POLN: variants seen among roughly 807,000 people sequenced by gnomAD.
The protein encoded by POLN is DNA polymerase N.
POLN carries 108 observed loss-of-function variants against 113.5 expected under a neutral mutation model. The ratio of observed to expected loss-of-function variants is 0.95; its 90% CI spans 0.81 to 1.12. The LOEUF is 1.12. Among genes scored for constraint, POLN ranks in the 50% most tolerant of loss-of-function variants. The pLI, the probability that POLN is intolerant of heterozygous loss-of-function variation, is 0.00. For missense variants in POLN, 1,097 were observed against 1,077.1 expected, an observed-to-expected ratio of 1.02 and a Z score of -0.26; for synonymous variants, 386 against 391.5, an observed-to-expected ratio of 0.99 and a Z score of 0.17.
At chr4:2,239,018 G>A (rs746608421) in intron 2 of POLN, 3 of 1,536,236 alleles carry the variant, frequency 2.0e-6, no homozygotes, top group Admixed American at 4.4e-5. Flanking sequence ...AGAAATTTTA[G>A]CATCCAAATT....
chr4:2,162,089 G>A (rs570250037), intron 13 of POLN, among the ~76,000 whole-genome samples: 1 of 152,154 alleles, frequency 6.6e-6, no homozygotes, highest in Non-Finnish European at 1.5e-5. Flanking sequence ...CAGGCTGCCC[G>A]AGCCAGCAGC....
chr4:2,170,523 A>G (rs1732833314), intron 13 of POLN, among the ~76,000 whole-genome samples, 156 bp downstream of exon 13: 1 of 152,212 alleles, frequency 6.6e-6, no homozygotes, highest in African/African-American at 2.4e-5. Flanking sequence ...CCATAGCGAG[A>G]AAAGCAACCT....
intron 7 of POLN, among the ~76,000 whole-genome samples, chr4:2,183,050 GAGA>G (rs761404197): frequency 6.6e-6 from 1 of 152,170 alleles, no homozygotes; most frequent in Non-Finnish European, 1.5e-5. Flanking sequence ...ATAAGCACAT[GAGA>G]AGATGTCCAA....
intron 19 of POLN, among the ~76,000 whole-genome samples, chr4:2,112,871 C>T (rs1174317531): frequency 4.6e-5 from 7 of 152,262 alleles, no homozygotes; most frequent in Non-Finnish European, 8.8e-5. Flanking sequence ...TTTGACCCAG[C>T]CATCCCATTA....
At chr4:2,199,541 G>C (rs1733660854) in intron 5 of POLN, among the ~76,000 whole-genome samples, 1 of 152,058 alleles carries the variant, frequency 6.6e-6, no homozygotes, top group African/African-American at 2.4e-5. Context: ...TTCTTTGTGG[G>C]AAATAAAGCA....
At chr4:2,075,394 T>G in intron 24 of POLN, 58 bp downstream of exon 24, 14 of 1,574,422 alleles carry the variant, frequency 8.9e-6, no homozygotes, top group Non-Finnish European at 1.2e-5. Context: ...CCATGGGGCA[T>G]GGAGCCTCCT....
At chr4:2,117,876 T>G (rs1468164360) in intron 19 of POLN, among the ~76,000 whole-genome samples, 3 of 152,228 alleles carry the variant, frequency 2.0e-5, no homozygotes, top group Non-Finnish European at 4.4e-5. Context: ...TTGCTTTCCT[T>G]GGGGAATGAG....
intron 21 of POLN, among the ~76,000 whole-genome samples, chr4:2,083,206 T>G (rs1054282396): frequency 2.0e-5 from 3 of 152,120 alleles, no homozygotes; most frequent in African/African-American, 7.2e-5. Context: ...TACAAGGCTC[T>G]CTCTCTCTAG....
At chr4:2,218,100 A>G (rs2108768516) in intron 3 of POLN, among the ~76,000 whole-genome samples, 1 of 152,240 alleles carries the variant, frequency 6.6e-6, no homozygotes, top group South Asian at 2.1e-4. Context: ...CAGCCTGAGC[A>G]ACACAGTAAG....
intron 16 of POLN, among the ~76,000 whole-genome samples, chr4:2,150,372 T>A (rs959389489): frequency 6.6e-6 from 1 of 152,034 alleles, no homozygotes; most frequent in African/African-American, 2.4e-5. Flanking sequence ...ATAAAAAAGG[T>A]TATTTTATCA....
intron 5 of POLN, among the ~76,000 whole-genome samples, chr4:2,199,094 C>T (rs1358862342): frequency 6.6e-6 from 1 of 152,096 alleles, no homozygotes; most frequent in African/African-American, 2.4e-5. Flanking sequence ...AGCAAGGTTG[C>T]AGGAACCAAG....
At position 2,173,947 on chromosome 4, in the gene POLN, T is replaced by C; in HGVS notation, c.1374+8A>G. On this transcript the variant is annotated splice_region_variant and intron_variant, in intron 11 of 25. Coordinates refer to ENST00000511885, the MANE Select transcript of POLN (RefSeq NM_181808.4). ...GGCCAGTACAAACCATCTGGAATAA[T>C]AACTTACCCCAAGAAGTGCTGACGT... 1 of 1,613,628 alleles carries C rather than the reference T, an allele frequency of 6.2e-7. No homozygotes were observed. Among genetic ancestry groups the C allele is most frequent in the Non-Finnish European group, 8.5e-7 (1 of 1,179,532 alleles).
At chr4:2,221,052 C>A (rs1253521944) in intron 3 of POLN, among the ~76,000 whole-genome samples, 3 of 152,050 alleles carry the variant, frequency 2.0e-5, no homozygotes, top group Non-Finnish European at 2.9e-5. Context: ...TGTTCTCCAG[C>A]AAAGGTGGGG....
intron 16 of POLN, among the ~76,000 whole-genome samples, chr4:2,134,938 C>T (rs773547431): frequency 8.5e-5 from 13 of 152,182 alleles, no homozygotes; most frequent in African/African-American, 1.9e-4. Context: ...TTGCCACCTT[C>T]GACTAAACTC....
At chr4:2,108,283 C>T (rs62288002) in intron 19 of POLN, among the ~76,000 whole-genome samples, 3,374 of 152,292 alleles carry the variant, frequency 0.022, 59 homozygotes, top group Non-Finnish European at 0.031. Context: ...CTTGCTCTTG[C>T]TGGACAACTG....
At chr4:2,169,176 G>A (rs1187235283) in intron 13 of POLN, among the ~76,000 whole-genome samples, 1 of 152,212 alleles carries the variant, frequency 6.6e-6, no homozygotes, top group African/African-American at 2.4e-5. Context: ...GCCGGGCCAG[G>A]AAGGCACAGC....
At chr4:2,212,276 T>G (rs1245118753) in intron 4 of POLN, among the ~76,000 whole-genome samples, 2 of 152,224 alleles carry the variant, frequency 1.3e-5, no homozygotes, top group East Asian at 1.9e-4. Flanking sequence ...TCTGAAATTC[T>G]ATTATTTCCA....
intron 11 of POLN, 67 bp from the exon 12 acceptor site, chr4:2,171,248 T>A: frequency 6.8e-7 from 1 of 1,462,924 alleles, no homozygotes; most frequent in Non-Finnish European, 9.5e-7. Flanking sequence ...TTTAATTTGT[T>A]CATCAAACAA....
intron 16 of POLN, chr4:2,156,467 T>C (rs1327551940): frequency 3.9e-6 from 2 of 508,992 alleles, no homozygotes; most frequent in Admixed American, 4.5e-5. Context: ...TCAACACATT[T>C]CTGGAAATCA....
Sources: gnomAD v4.1 joint callset for allele counts (sites outside exome capture counted in the v4.1 genomes callset) on GRCh38, gnomAD v4.1.1 for gene constraint, MANE v1.5 for transcripts, NCBI Gene and HGNC (gene_info 2026-07-23, HGNC 2026-07-21) for gene names.